The following RHOA variants were observed in gnomAD, a reference collection of about 807,000 sequenced individuals.
RHOA encodes transforming protein RhoA.
In RHOA, 3 loss-of-function variants were observed where a neutral mutation model predicts 17.5. That is an observed-to-expected ratio of 0.17 (90% CI 0.08 to 0.44). The LOEUF is 0.44. Among genes scored for constraint, RHOA ranks in the 20% least tolerant of loss-of-function variants. The probability of loss-of-function intolerance (pLI) is 0.99; values close to 1 mark genes in which losing one functional copy is unlikely to be tolerated. For synonymous variants in RHOA, 98 were observed against 88.4 expected (o/e 1.11, Z -0.61); for missense variants, 56 against 242.3 (o/e 0.23, Z 5.10).
At chr3:49,374,147 G>A (rs977304878) in intron 2 of RHOA, among the ~76,000 whole-genome samples, 1 of 150,592 alleles carries the variant, frequency 6.6e-6, no homozygotes, top group Non-Finnish European at 1.5e-5. Context: ...TCAGGAGATC[G>A]AGACCATCCT....
At position 49,385,221 on chromosome 3, in the gene RHOA, C is replaced by CT. The variant is rs539105194; in HGVS notation, c.-2-9631dup. Among the ~76,000 whole-genome samples the CT allele has an allele frequency of 6.2e-3, 865 of 140,504 alleles. 7 individuals are homozygous for CT. Among genetic ancestry groups the CT allele is most frequent in the African/African-American group, 0.016 (624 of 38,446 alleles). The allele number at this position is 140,504 out of a possible 152,430, so 92.2% of individuals were successfully genotyped here. ...TGCGCCTGGTCCATTGCCCCCCTAC[C>CT]TTTTTTTTTTTTTTTCTGAGACAGA... On this transcript the variant is annotated intron_variant, in intron 1 of 4. Coordinates refer to ENST00000418115, the MANE Select transcript of RHOA (RefSeq NM_001664.4).
intron 1 of RHOA, among the ~76,000 whole-genome samples, chr3:49,387,673 A>G (rs2048423553): frequency 1.3e-5 from 2 of 150,436 alleles, no homozygotes; most frequent in Non-Finnish European, 3.0e-5. Context: ...TGAACCCGGG[A>G]GCAGAGGTTG....
chr3:49,361,242 CAA>C (rs2047966453), intron 4 of RHOA, among the ~76,000 whole-genome samples: 2 of 152,108 alleles, frequency 1.3e-5, no homozygotes, highest in African/African-American at 2.4e-5. Flanking sequence ...AGGAGTCAAT[CAA>C]GAGCAAAATT....
chr3:49,363,991 T>G (rs2048013655), intron 3 of RHOA, among the ~76,000 whole-genome samples: 1 of 151,650 alleles, frequency 6.6e-6, no homozygotes, highest in African/African-American at 2.4e-5. Context: ...AAGGTAGCAG[T>G]GAGCTATGAT....
chr3:49,387,613 C>A (rs557114140), intron 1 of RHOA, among the ~76,000 whole-genome samples: 1 of 151,652 alleles, frequency 6.6e-6, no homozygotes, highest in African/African-American at 2.4e-5. Flanking sequence ...GGCGTGGTGG[C>A]GGGCACCTGT....
chr3:49,400,018 C>G lies in RHOA; in HGVS notation c.-3+11802G>C, dbSNP rs563980114. Among the ~76,000 whole-genome samples, 658 of 151,828 alleles carry G rather than the reference C, an allele frequency of 4.3e-3. 3 individuals carry two copies. Among genetic ancestry groups the G allele is most frequent in the African/African-American group, 0.015 (637 of 41,388 alleles). On this transcript the variant is annotated intron_variant, in intron 1 of 4. Coordinates refer to ENST00000418115, the MANE Select transcript of RHOA (RefSeq NM_001664.4). ...GGCGAATCAGGAGTTCGAGACCAGC[C>G]TGACCAACAAGGTGAAACCCGTCTC...
chr3:49,375,627 C>T (rs770185408), intron 1 of RHOA, 36 bp from the exon 2 acceptor site: 2 of 1,602,990 alleles, frequency 1.2e-6, no homozygotes, highest in Admixed American at 3.4e-5. Context: ...CTGCAATGCA[C>T]AAGAAGTCAT....
In RHOA at chr3:49,390,102, A is replaced by G. The variant is rs1280838542; in HGVS notation, c.-2-14511T>C. ...CCATCTATAATACCCACAGACTGTGAGAAGCAAATAGCTTTGACAGTCCGT... is the reference window on the plus strand; with the variant it reads ...CCATCTATAATACCCACAGACTGTGGGAAGCAAATAGCTTTGACAGTCCGT... On this transcript the variant is annotated intron_variant, in intron 1 of 4. Transcript: ENST00000418115. Among the ~76,000 whole-genome samples, 3 of 151,824 alleles carry G rather than the reference A, an allele frequency of 2.0e-5. No homozygotes were observed. In the Admixed American group the frequency reaches 2.0e-4, roughly 10 times the overall value.
chr3:49,360,034 G>A lies in RHOA; in HGVS notation c.*175C>T, dbSNP rs897961688. 1.0e-5 allele frequency: 7 copies of A among 693,518 alleles called. No individual in the cohort carries two copies. The highest frequency in any genetic ancestry group is 2.3e-5 in the South Asian group (1 of 43,288). 43.0% of individuals were successfully genotyped at this position (693,518 alleles called of 1,614,324 possible). On this transcript the variant is annotated 3_prime_UTR_variant, in exon 5 of 5. Transcript: ENST00000418115. ...TCAAAAGGACCCTGGTGGGCCAGAC[G>A]GGTTGGACATCGTTAATAATCATAG...
chr3:49,360,680 C>T (rs949641443), intron 4 of RHOA, among the ~76,000 whole-genome samples: 1 of 151,448 alleles, frequency 6.6e-6, no homozygotes, highest in Non-Finnish European at 1.5e-5. Flanking sequence ...AGGCTGGTCT[C>T]GAACTCCTGA....
At chr3:49,362,324 T>C (rs1286698518) in intron 4 of RHOA, among the ~76,000 whole-genome samples, 172 bp downstream of exon 4, 2 of 152,066 alleles carry the variant, frequency 1.3e-5, no homozygotes, top group African/African-American at 4.8e-5. Flanking sequence ...TGGTGAACTA[T>C]CTTAGGGATC....
intron 1 of RHOA, among the ~76,000 whole-genome samples, chr3:49,381,266 G>C (rs929962484): frequency 6.6e-6 from 1 of 151,832 alleles, no homozygotes; most frequent in Non-Finnish European, 1.5e-5. Context: ...TAAGTTGGAC[G>C]TAGTGGCATG....
intron 3 of RHOA, among the ~76,000 whole-genome samples, chr3:49,367,215 C>T (rs993916765): frequency 6.6e-6 from 1 of 151,428 alleles, no homozygotes; most frequent in Non-Finnish European, 1.5e-5. Context: ...TGGTGGTGGC[C>T]ACCTGTAGTC....
intron 2 of RHOA, among the ~76,000 whole-genome samples, chr3:49,374,167 G>A (rs140998230): frequency 1.3e-5 from 2 of 151,532 alleles, no homozygotes; most frequent in African/African-American, 4.8e-5. Flanking sequence ...TGGCTAACAC[G>A]GTGAAACCCC....
intron 1 of RHOA, among the ~76,000 whole-genome samples, chr3:49,380,563 G>A (rs2048299126): frequency 6.6e-6 from 1 of 151,608 alleles, no homozygotes; most frequent in African/African-American, 2.4e-5. Context: ...AAATTACCCA[G>A]GCGTGGTGGG....
chr3:49,367,291 T>C (rs1246538690), intron 3 of RHOA, among the ~76,000 whole-genome samples: 1 of 135,524 alleles, frequency 7.4e-6, no homozygotes, highest in Non-Finnish European at 1.5e-5. Flanking sequence ...TGCAGTGAGC[T>C]GAGATCAAGC....
rs1281086113 is a variant in RHOA, at chr3:49,377,397, C to T, written c.-2-1806G>A. On this transcript the variant is annotated intron_variant, in intron 1 of 4. Coordinates refer to ENST00000418115, the MANE Select transcript of RHOA (RefSeq NM_001664.4). ...TGCTTGAGAGTCCAGGAGTTCAAGA[C>T]GAGCCTGGGAAACATAGTGAAACCC... 3.9e-5 allele frequency among the ~76,000 whole-genome samples: 6 copies of T among 152,008 alleles called. No individual in the cohort carries two copies. The South Asian group carries it at 8.3e-4, about 21-fold the overall frequency.
At chr3:49,388,584 G>C (rs917937413) in intron 1 of RHOA, among the ~76,000 whole-genome samples, 2 of 152,110 alleles carry the variant, frequency 1.3e-5, no homozygotes, top group Admixed American at 1.3e-4. Context: ...ATGCATTAAT[G>C]AGCAACTCTC....
At chr3:49,368,695 TTTTTC>T (rs2048098077) in intron 2 of RHOA, 147 bp from the exon 3 acceptor site, 3 of 768,088 alleles carry the variant, frequency 3.9e-6, no homozygotes, top group African/African-American at 2.2e-5. Context: ...GTATTTACAT[TTTTTC>T]TTTTTTCTTT....
Sources: gnomAD v4.1 joint callset for allele counts (sites outside exome capture counted in the v4.1 genomes callset) on GRCh38, gnomAD v4.1.1 for gene constraint, MANE v1.5 for transcripts, NCBI Gene and HGNC (gene_info 2026-07-23, HGNC 2026-07-21) for gene names.